The following ANKS1A variants were observed in gnomAD, a reference collection of about 807,000 sequenced individuals.
The protein encoded by ANKS1A is ankyrin repeat and sterile alpha motif domain containing 1A, also known as ankyrin repeat and SAM domain-containing protein 1A.
In ANKS1A, 55 loss-of-function variants were observed where a neutral mutation model predicts 120.3. The observed-to-expected ratio is 0.46, with a 90% CI of 0.37 to 0.57. ANKS1A has a LOEUF of 0.57. Ranked by LOEUF, ANKS1A falls within the 20% of genes least tolerant of loss-of-function variation. The pLI, the probability that ANKS1A is intolerant of heterozygous loss-of-function variation, is 0.00. For synonymous variants in ANKS1A, 590 were observed against 604.7 expected, an observed-to-expected ratio of 0.98 and a Z score of 0.36; for missense variants, 1,123 against 1,480.3, an observed-to-expected ratio of 0.76 and a Z score of 3.96.
intron 14 of ANKS1A, among the ~76,000 whole-genome samples, chr6:35,079,306 C>G (rs1777534618): frequency 6.6e-6 from 1 of 152,160 alleles, no homozygotes; most frequent in African/African-American, 2.4e-5. Context: ...CCTGTCGGTG[C>G]TCCAGCGGCT....
At chr6:34,923,982 G>T (rs1768571379) in intron 1 of ANKS1A, among the ~76,000 whole-genome samples, 1 of 152,072 alleles carries the variant, frequency 6.6e-6, no homozygotes, top group African/African-American at 2.4e-5. Context: ...TCTAGAGGAG[G>T]TTGCAAAAAA....
intron 1 of ANKS1A, among the ~76,000 whole-genome samples, chr6:34,938,482 G>A (rs1056780469): frequency 3.3e-5 from 5 of 152,116 alleles, no homozygotes; most frequent in Non-Finnish European, 5.9e-5. Flanking sequence ...TGTGTGTCAC[G>A]TGCCACTAGT....
chr6:34,979,643 C>A (rs1366078178), intron 3 of ANKS1A, among the ~76,000 whole-genome samples: 1 of 151,604 alleles, frequency 6.6e-6, no homozygotes. Context: ...AGTTCTTTAG[C>A]CCTAATGGCA....
At chr6:35,095,632 AAC>A (rs373696532), downstream of ANKS1A, among the ~76,000 whole-genome samples, 62 of 150,142 alleles carry the variant, frequency 4.1e-4, no homozygotes, top group African/African-American at 1.4e-3. Context: ...CAACAAAAAA[AAC>A]AGTCACTTTT....
intron 1 of ANKS1A, among the ~76,000 whole-genome samples, chr6:34,955,089 A>G (rs1184667409): frequency 6.6e-6 from 1 of 151,332 alleles, no homozygotes; most frequent in Admixed American, 6.6e-5. Context: ...TTCTTGTACA[A>G]TTAATTAATT....
intron 1 of ANKS1A, among the ~76,000 whole-genome samples, chr6:34,895,293 C>T (rs1767017857): frequency 6.6e-6 from 1 of 151,522 alleles, no homozygotes; most frequent in South Asian, 2.1e-4. Context: ...AATTGATCCT[C>T]CTGCCTCATC....
chr6:34,981,837 C>G lies in ANKS1A; in HGVS notation c.583C>G (p.Leu195Val). 1.2e-6 allele frequency: 2 copies of G among 1,614,174 alleles called. No homozygotes were observed. Among genetic ancestry groups the G allele is most frequent in the Middle Eastern group, 1.6e-4 (1 of 6,062 alleles). The change falls in exon 4 of 24, where the codon CTG (leucine) becomes GTG (valine). Residue 195 changes from leucine (L) to valine (V), a missense_variant. This residue lies in a region of ANKS1A where 146 missense variants were observed against 267.8 expected (regional missense o/e 0.55). Coordinates refer to ENST00000360359, the MANE Select transcript of ANKS1A (RefSeq NM_015245.3). Reference sequence around the variant, plus strand: ...GGACCTGGCAGCACTGTACGGGCGACTGGAGGTGGTGAAAATGCTCCTTAA... The same window carrying G: ...GGACCTGGCAGCACTGTACGGGCGAGTGGAGGTGGTGAAAATGCTCCTTAA... Reference protein sequence around the residue: ...PLDLAALYGRLEVVKMLLNAH... With the variant: ...PLDLAALYGRVEVVKMLLNAH...
intron 1 of ANKS1A, among the ~76,000 whole-genome samples, chr6:34,944,386 A>G (rs1195263089): frequency 6.6e-6 from 1 of 152,196 alleles, no homozygotes; most frequent in Admixed American, 6.5e-5. Flanking sequence ...GATTTTAGCC[A>G]TTCAAATAGA....
chr6:34,943,326 C>T (rs1581727010), intron 1 of ANKS1A, among the ~76,000 whole-genome samples: 1 of 152,132 alleles, frequency 6.6e-6, no homozygotes, highest in East Asian at 1.9e-4. Context: ...CTTCTCTCTC[C>T]CACTCACACA....
At chr6:34,952,767 T>C (rs1319047183) in intron 1 of ANKS1A, among the ~76,000 whole-genome samples, 1 of 151,886 alleles carries the variant, frequency 6.6e-6, no homozygotes, top group Non-Finnish European at 1.5e-5. Context: ...TGGAGTGTAG[T>C]GGCACCATCT....
At chr6:34,894,598 G>A (rs1448613934) in intron 1 of ANKS1A, among the ~76,000 whole-genome samples, 1 of 152,158 alleles carries the variant, frequency 6.6e-6, no homozygotes, top group Non-Finnish European at 1.5e-5. Flanking sequence ...GCTGCAGTGA[G>A]CCAAGATTGT....
chr6:34,920,892 A>G (rs1185780600), intron 1 of ANKS1A, among the ~76,000 whole-genome samples: 2 of 152,036 alleles, frequency 1.3e-5, no homozygotes, highest in African/African-American at 2.4e-5. Flanking sequence ...GGGCCTTACT[A>G]CCTCTTCTCT....
In ANKS1A at chr6:35,085,412, T is replaced by C. The variant is rs1324176482; in HGVS notation, c.3133-354T>C. On this transcript the variant is annotated intron_variant, in intron 21 of 23. Transcript: ENST00000360359. The surrounding 1 kb of genome is among the most constrained non-coding windows in gnomAD (Gnocchi z 4.7). ...GTTAGGGGCACAGCACTCACAGACT[T>C]TGTCGGTGACACATTAAAAATAAAA... is the stretch of plus-strand genomic sequence containing the variant. Among the ~76,000 whole-genome samples, 1 of 152,136 alleles carries C rather than the reference T, an allele frequency of 6.6e-6. No homozygotes were observed. The highest frequency in any genetic ancestry group is 2.4e-5 in the African/African-American group (1 of 41,416).
At chr6:35,073,904 C>T (rs1026528317) in intron 13 of ANKS1A, among the ~76,000 whole-genome samples, 6 of 152,172 alleles carry the variant, frequency 3.9e-5, no homozygotes, top group Non-Finnish European at 7.4e-5. Flanking sequence ...CACACAAGCT[C>T]ATCCCCCGGT....
chr6:34,999,133 A>G (rs1301103567), intron 10 of ANKS1A, among the ~76,000 whole-genome samples: 1 of 152,220 alleles, frequency 6.6e-6, no homozygotes, highest in Non-Finnish European at 1.5e-5. Flanking sequence ...TGCCCACTCC[A>G]TCTGAGTGGA....
intron 11 of ANKS1A, among the ~76,000 whole-genome samples, chr6:35,049,757 A>G (rs371062624): frequency 1.3e-5 from 2 of 152,260 alleles, no homozygotes; most frequent in East Asian, 3.9e-4. Context: ...CCTCCTCTAC[A>G]TGGGGCCCCA....
At chr6:34,963,667 T>C (rs1297439797) in intron 1 of ANKS1A, among the ~76,000 whole-genome samples, 1 of 152,232 alleles carries the variant, frequency 6.6e-6, no homozygotes, top group Non-Finnish European at 1.5e-5. Context: ...ATGGTAGTTA[T>C]ATTTTTAATT....
intron 1 of ANKS1A, among the ~76,000 whole-genome samples, chr6:34,926,266 G>T (rs1006808170): frequency 5.9e-5 from 9 of 152,110 alleles, no homozygotes; most frequent in African/African-American, 2.2e-4. Flanking sequence ...GGCCTGCTGG[G>T]GTCTTGGACT....
intron 10 of ANKS1A, among the ~76,000 whole-genome samples, chr6:34,996,442 A>T (rs1772857222): frequency 6.6e-6 from 1 of 150,650 alleles, no homozygotes; most frequent in African/African-American, 2.4e-5. Flanking sequence ...AGTTCAGTTT[A>T]TCCTGTTTTT....
Sources: gnomAD v4.1 joint callset for allele counts (sites outside exome capture counted in the v4.1 genomes callset) on GRCh38, gnomAD v4.1.1 for gene constraint, gnomAD v4.1.1 regional missense constraint, Gnocchi (gnomAD v3.1) non-coding constraint, MANE v1.5 for transcripts, NCBI Gene and HGNC (gene_info 2026-07-23, HGNC 2026-07-21) for gene names.